Variants in ODF2L observed in about 807,000 individuals in gnomAD.
ODF2L encodes outer dense fiber of sperm tails 2 like, also known as protein BCAP.
ODF2L carries 76 observed loss-of-function variants against 86.3 expected under a neutral mutation model. That is an observed-to-expected ratio of 0.88 (90% CI 0.73 to 1.07). The LOEUF (loss-of-function observed/expected upper bound fraction) is 1.07. Among genes scored for constraint, ODF2L ranks in the 50% least tolerant of loss-of-function variants. The pLI is 0.00. For synonymous variants in ODF2L, 241 were observed against 231.3 expected (o/e 1.04, Z -0.38); for missense variants, 748 against 717.4 (o/e 1.04, Z -0.49).
chr1:86,364,914 G>A (rs1025929299), intron 11 of ODF2L, among the ~76,000 whole-genome samples: 2 of 152,192 alleles, frequency 1.3e-5, no homozygotes, highest in African/African-American at 4.8e-5. Flanking sequence ...TGGTGAAGTT[G>A]AATCTTAACT....
At chr1:86,369,925 G>C (rs1189217045) in intron 10 of ODF2L, among the ~76,000 whole-genome samples, 2 of 151,988 alleles carry the variant, frequency 1.3e-5, no homozygotes, top group South Asian at 4.1e-4. Flanking sequence ...CTTAAAGCCT[G>C]GAATGCTATC....
intron 11 of ODF2L, among the ~76,000 whole-genome samples, chr1:86,362,500 A>T (rs932675570): frequency 1.3e-5 from 2 of 151,814 alleles, no homozygotes; most frequent in Non-Finnish European, 2.9e-5. Flanking sequence ...TATGTTGCCC[A>T]GAGTGAGCTC....
chr1:86,368,651 G>C lies in ODF2L; in HGVS notation c.1128C>G (p.Tyr376Ter), dbSNP rs1317355288. ...AATAAAATACCTTTTCAGAAGAAAT[G>C]TAGCAAAGCATATCAAGAACAATCA... is the stretch of plus-strand genomic sequence containing the variant. The change falls in exon 11 of 18, where the codon TAC becomes TAG. Residue 376 changes from tyrosine to a stop codon, truncating the protein, a stop_gained. Coordinates refer to ENST00000317336, the Ensembl canonical transcript of ODF2L. LOFTEE classifies it high-confidence loss of function. 4.2e-6 allele frequency: 6 copies of C among 1,438,462 alleles called. No individual in the cohort carries two copies. Among genetic ancestry groups the C allele is most frequent in the Non-Finnish European group, 4.6e-6 (5 of 1,079,810 alleles). The allele number at this position is 1,438,462 out of a possible 1,614,324, so 89.1% of individuals were successfully genotyped here.
At chr1:86,392,574 C>T (rs544545618) in intron 1 of ODF2L, among the ~76,000 whole-genome samples, 179 of 152,244 alleles carry the variant, frequency 1.2e-3, no homozygotes, top group Non-Finnish European at 1.8e-3. Flanking sequence ...AAAAACCAAA[C>T]ATCATATGTT....
intron 11 of ODF2L, among the ~76,000 whole-genome samples, chr1:86,366,003 C>T (rs933239048): frequency 4.6e-5 from 7 of 152,130 alleles, no homozygotes; most frequent in Admixed American, 6.5e-5. Context: ...AACAGAGGGA[C>T]GGTGCTGGCG....
chr1:86,382,430 T>A, intron 6 of ODF2L, 72 bp from the exon 7 acceptor site: 6 of 1,577,134 alleles, frequency 3.8e-6, no homozygotes, highest in Non-Finnish European at 5.1e-6. Context: ...ATATCTTTAA[T>A]TTTACCCTGA....
exon 17 of ODF2L, chr1:86,352,957 A>G: frequency 1.3e-6 from 2 of 1,531,634 alleles, no homozygotes; most frequent in Non-Finnish European, 1.8e-6. Context: ...CTCTCTCTAG[A>G]TGACATTTTC....
chr1:86,383,403 T>A (rs998451865), intron 4 of ODF2L, among the ~76,000 whole-genome samples: 1 of 151,808 alleles, frequency 6.6e-6, no homozygotes, highest in Non-Finnish European at 1.5e-5. Flanking sequence ...ACTAAATTAA[T>A]CTCAAAAGAA....
rs76986542 is a variant in ODF2L at position 86,367,243 on chromosome 1, A to G, written c.1143+1393T>C. ...CTATACCCAGCTGAAACCATTAATC[A>G]TAATGAGGACAGAATAAAGGCATTT... On this transcript the variant is annotated intron_variant, in intron 11 of 17. Transcript: ENST00000317336. 5.9e-5 allele frequency among the ~76,000 whole-genome samples: 9 copies of G among 152,358 alleles called. 1 individual carries two copies. In the East Asian group the frequency reaches 1.7e-3, roughly 29 times the overall value.
Position 86,383,015 on chromosome 1 carries a change from TA to T in ODF2L, c.436-14del. 1 of 1,432,390 alleles carries T rather than the reference TA, an allele frequency of 7.0e-7. No individual in the cohort carries two copies. Among genetic ancestry groups the T allele is most frequent in the Non-Finnish European group, 9.8e-7 (1 of 1,017,618 alleles). 88.7% of individuals were successfully genotyped at this position (1,432,390 alleles called of 1,614,324 possible). A position where few individuals can be genotyped will look rare whatever the true frequency, so the allele number is the denominator to read the frequency against. ...TCTTCTTAAGATTCTTGAGCAAATA[TA>T]AAATAAGAATTAGGAATTTCACAAC... On this transcript the variant is annotated splice_polypyrimidine_tract_variant and intron_variant, in intron 5 of 17. Transcript: ENST00000317336.
At chr1:86,393,324 C>CTT (rs995221308) in intron 1 of ODF2L, among the ~76,000 whole-genome samples, 1 of 151,486 alleles carries the variant, frequency 6.6e-6, no homozygotes, top group African/African-American at 2.4e-5. Context: ...CAGGAATCCT[C>CTT]TTTTTTTCCC....
intron 1 of ODF2L, among the ~76,000 whole-genome samples, chr1:86,395,322 A>G (rs1441832233): frequency 2.0e-5 from 3 of 152,122 alleles, no homozygotes; most frequent in Non-Finnish European, 4.4e-5. Context: ...ACCACCACTC[A>G]CTAACCACCT....
At chr1:86,372,580 A>G in intron 8 of ODF2L, 40 bp from the exon 9 acceptor site, 1 of 1,145,120 alleles carries the variant, frequency 8.7e-7, no homozygotes, top group Non-Finnish European at 1.2e-6. Context: ...TAATTTTAAA[A>G]CATTTTTGTT....
intron 11 of ODF2L, among the ~76,000 whole-genome samples, chr1:86,367,691 C>T (rs1307948040): frequency 6.6e-6 from 1 of 151,998 alleles, no homozygotes; most frequent in Non-Finnish European, 1.5e-5. Context: ...AAACATATTA[C>T]TTGACTGTGT....
chr1:86,376,365 A>G (rs369456964), exon 8 of ODF2L: 17 of 1,608,278 alleles, frequency 1.1e-5, no homozygotes, highest in Non-Finnish European at 1.4e-5. Context: ...CTATAGCCTC[A>G]TTCTTATTCA....
At chr1:86,357,272 G>A (rs1391215889) in intron 13 of ODF2L, among the ~76,000 whole-genome samples, 1 of 151,774 alleles carries the variant, frequency 6.6e-6, no homozygotes, top group Non-Finnish European at 1.5e-5. Flanking sequence ...AAAATAGCCA[G>A]ACTCTTTCCC....
chr1:86,390,520 G>A (rs1661249988), intron 1 of ODF2L, among the ~76,000 whole-genome samples: 1 of 152,130 alleles, frequency 6.6e-6, no homozygotes, highest in African/African-American at 2.4e-5. Context: ...ATGCAGGGAT[G>A]GTTTAACATC....
intron 1 of ODF2L, among the ~76,000 whole-genome samples, chr1:86,395,238 G>T (rs1337382799): frequency 1.3e-5 from 2 of 152,238 alleles, no homozygotes; most frequent in African/African-American, 4.8e-5. Context: ...GTTGCGTGAT[G>T]AGGAAACTGT....
exon 18 of ODF2L, chr1:86,351,754 C>T (rs932976290): frequency 8.1e-6 from 2 of 247,252 alleles, no homozygotes; most frequent in Non-Finnish European, 1.3e-5. Context: ...TGTTTGTGTC[C>T]TCTCTTATTT....
Sources: gnomAD v4.1 joint callset for allele counts (sites outside exome capture counted in the v4.1 genomes callset) on GRCh38, gnomAD v4.1.1 for gene constraint, MANE v1.5 for transcripts, NCBI Gene and HGNC (gene_info 2026-07-23, HGNC 2026-07-21) for gene names.